CACTIN: variants seen among roughly 807,000 people sequenced by gnomAD.
CACTIN encodes the protein cactin, spliceosome C complex subunit.
CACTIN carries 20 observed loss-of-function variants against 84.9 expected under a neutral mutation model. That is an observed-to-expected ratio of 0.24 (90% CI 0.17 to 0.34). The LOEUF (loss-of-function observed/expected upper bound fraction) is 0.34, where lower values mean the gene tolerates loss of function less well. CACTIN is among the 10% of genes least tolerant of loss of function. CACTIN has a pLI of 1.00. For synonymous variants in CACTIN, 549 were observed against 467.9 expected (o/e 1.17, Z -2.24); for missense variants, 897 against 1,117.2 (o/e 0.80, Z 2.81).
chr19:3,612,073 G>A lies in CACTIN; in HGVS notation c.2127C>T (p.Arg709=), dbSNP rs199844208. The change falls in exon 10 of 10, where the codon CGC becomes CGT. Residue 709 remains arginine, a synonymous_variant. Transcript: ENST00000429344. ...CCTCGTAGGGCGGCCCCGCGTGGAA[G>A]CGCAGGATGGCGAAATCCTTGTTGT... The part of the protein sequence containing the change: ...CADNKDFAIL[R]FHAGPPYEDI... The A allele has an allele frequency of 1.4e-5, 22 of 1,613,894 alleles. No homozygotes were observed. In the African/African-American group the frequency reaches 2.5e-4, roughly 19 times the overall value.
In CACTIN at chr19:3,613,266, G is replaced by A. The variant is rs1235401230; in HGVS notation, c.1578C>T (p.Asp526=). 3 of 1,607,748 alleles carry A rather than the reference G, an allele frequency of 1.9e-6. No individual in the cohort carries two copies. Among genetic ancestry groups the A allele is most frequent in the Admixed American group, 1.7e-5 (1 of 59,868 alleles). ...EVDGATPTEG[D]GDGDGEGEGE... ...CCTCGCCCTCACCGTCCCCGTCGCC[G>A]TCGCCCTCTGTCGGGGTCGCGCCGT... Residue 526 remains aspartate (D), a synonymous_variant, in exon 9 of 10, where the codon GAC becomes GAT. Transcript: ENST00000429344.
chr19:3,610,980 G>A lies in CACTIN; in HGVS notation c.*943C>T, dbSNP rs1407826012. The A allele has an allele frequency of 2.2e-6, 1 of 456,628 alleles. No individual in the cohort carries two copies. The highest frequency in any genetic ancestry group is 2.3e-5 in the Admixed American group (1 of 42,574). The allele number at this position is 456,628 out of a possible 1,614,324, so 28.3% of individuals were successfully genotyped here. Reference sequence around the variant, plus strand: ...CCCTCGGCCCTCCTGGCCTGAGAAAGGGGAGTGAGAAGGAGCCACTGTCCT... The same window carrying A: ...CCCTCGGCCCTCCTGGCCTGAGAAAAGGGAGTGAGAAGGAGCCACTGTCCT... On this transcript the variant is annotated 3_prime_UTR_variant, in exon 10 of 10. Transcript: ENST00000429344.
In CACTIN at chr19:3,611,922, G is replaced by A. The variant is rs74321041; in HGVS notation, c.*1C>T. The A allele has an allele frequency of 3.3e-3, 5,274 of 1,612,408 alleles. 157 individuals are homozygous for A. In the African/African-American group the frequency reaches 0.06, roughly 18 times the overall value. On this transcript the variant is annotated 3_prime_UTR_variant, in exon 10 of 10. Coordinates refer to ENST00000429344, the MANE Select transcript of CACTIN (RefSeq NM_001080543.2). ...CACCTGCCTGCCGTTCCCCAGGGCC[G>A]TCACCGCCGATAGCGGTAGCGCTTG...
Position 3,611,694 on chromosome 19 carries a change from C to G in CACTIN, c.*229G>C, listed in dbSNP as rs990577343. The G allele has an allele frequency of 1.6e-6, 1 of 618,582 alleles. No homozygotes were observed. The highest frequency in any genetic ancestry group is 2.8e-6 in the Non-Finnish European group (1 of 351,524). The allele number at this position is 618,582 out of a possible 1,614,324, so 38.3% of individuals were successfully genotyped here. A position where few individuals can be genotyped will look rare whatever the true frequency, so the allele number is the denominator to read the frequency against. ...AGCGCCCCCTCCGTTGCATCAGGAC[C>G]CTAGGCCAGCCTGTCCCAGTGTCTC... On this transcript the variant is annotated 3_prime_UTR_variant, in exon 10 of 10. Transcript: ENST00000429344.
intron 9 of CACTIN, chr19:3,612,658 T>TTGG: frequency 1.4e-6 from 1 of 718,002 alleles, no homozygotes; most frequent in Non-Finnish European, 2.5e-6. Flanking sequence ...CGCAGCGCGC[T>TTGG]TCCCCGCCGA....
chr19:3,625,897 A>C (rs1212687339), intron 1 of CACTIN, among the ~76,000 whole-genome samples: 1 of 152,152 alleles, frequency 6.6e-6, no homozygotes, highest in African/African-American at 2.4e-5. Context: ...GGCTCAAGGC[A>C]AATCCGACCA....
At position 3,626,705 on chromosome 19, in the gene CACTIN, G is replaced by C; in HGVS notation, c.58C>G (p.Gln20Glu). 6.7e-7 allele frequency: 1 copy of C among 1,502,774 alleles called. No individual in the cohort carries two copies. Among genetic ancestry groups the C allele is most frequent in the Non-Finnish European group, 8.8e-7 (1 of 1,132,726 alleles). 93.1% of individuals were successfully genotyped at this position (1,502,774 alleles called of 1,614,324 possible). The change falls in exon 1 of 10, where the codon CAG becomes GAG. Residue 20 changes from glutamine to glutamate, a missense_variant. Physicochemically the swap from Gln to Glu is conservative, Grantham distance 29. This residue lies in a region of CACTIN where 261 missense variants were observed against 243.8 expected (regional missense o/e 1.07). Coordinates refer to ENST00000429344, the MANE Select transcript of CACTIN (RefSeq NM_001080543.2). The part of the protein sequence containing the change: ...RSAGRRGRRR[Q>E]SQSGSRSRSR... ...CGACTTCGGCTCCCGCTCTGACTCT[G>C]CCGCCTTCGGCCCCGGCGACCCGCG... is the stretch of plus-strand genomic sequence containing the variant.
rs1377204761 is a variant in CACTIN at position 3,623,888 on chromosome 19, C to CCCGCAG, written c.436_441dup (p.Leu146_Arg147dup). The CCCGCAG allele has an allele frequency of 5.0e-6, 8 of 1,607,166 alleles. No homozygotes were observed. The highest frequency in any genetic ancestry group is 2.2e-5 in the East Asian group (1 of 44,894). On this transcript the variant is annotated inframe_insertion, in exon 2 of 10. Transcript: ENST00000429344. Reference sequence around the variant, plus strand: ...AGCTCCTCCTGCTGCTTCCGCTCCTCCCGCAGCCGCAGCCGCTCCTGCAGG... The same window carrying CCCGCAG: ...AGCTCCTCCTGCTGCTTCCGCTCCTCCCGCAGCCGCAGCCGCAGCCGCTCCTGCAGG...
At chr19:3,612,444 C>CGGCCTCCCCCTGGGTCCT in intron 9 of CACTIN, 31 bp from the exon 10 acceptor site, 1 of 1,546,502 alleles carries the variant, frequency 6.5e-7, no homozygotes, top group South Asian at 1.2e-5. Context: ...ACCCGGGCCT[C>CGGCCTCCCCCTGGGTCCT]GGCCTCCCCC....
Position 3,623,901 on chromosome 19 carries a change from C to T in CACTIN, c.429G>A (p.Arg143=), listed in dbSNP as rs776533930. ...GCTTCCGCTCCTCCCGCAGCCGCAGCCGCTCCTGCAGGCTCTGCTGCTGGC... is the reference window on the plus strand; with the variant it reads ...GCTTCCGCTCCTCCCGCAGCCGCAGTCGCTCCTGCAGGCTCTGCTGCTGGC... The part of the protein sequence containing the change: ...ALSQQQSLQE[R]LRLREERKQQ... Residue 143 remains arginine, a synonymous_variant, in exon 2 of 10, where the codon CGG becomes CGA. Transcript: ENST00000429344. 20 of 1,606,742 alleles carry T rather than the reference C, an allele frequency of 1.2e-5. No individual in the cohort carries two copies. The Admixed American group carries it at 2.3e-4, about 19-fold the overall frequency.
rs2033290633 is a variant in CACTIN, at chr19:3,624,308, C to G, written c.168-146G>C. ...CCAAATACCGATGGCTTCTGCCTTC[C>G]TGGGCTCACCCTCTGGTGGGCCCCA... On this transcript the variant is annotated intron_variant, in intron 1 of 9. Coordinates refer to ENST00000429344, the MANE Select transcript of CACTIN (RefSeq NM_001080543.2). 19 of 714,472 alleles carry G rather than the reference C, an allele frequency of 2.7e-5. No homozygotes were observed. The South Asian group carries it at 3.7e-4, about 14-fold the overall frequency. The allele number at this position is 714,472 out of a possible 1,614,324, so 44.3% of individuals were successfully genotyped here.
intron 4 of CACTIN, among the ~76,000 whole-genome samples, chr19:3,619,680 G>A (rs760273020): frequency 2.0e-5 from 3 of 152,166 alleles, no homozygotes; most frequent in African/African-American, 2.4e-5. Flanking sequence ...TGGGCCTGCA[G>A]GGGGGTACGC....
chr19:3,611,282 T>A lies in CACTIN; in HGVS notation c.*641A>T. ...CAGCACGGGGTGAGTTGGGGGCCAG[T>A]CCCTGCAGAGTGTGGGTGTCCACAG... On this transcript the variant is annotated 3_prime_UTR_variant, in exon 10 of 10. Coordinates refer to ENST00000429344, the MANE Select transcript of CACTIN (RefSeq NM_001080543.2). 2.2e-6 allele frequency: 1 copy of A among 454,646 alleles called. No homozygotes were observed. The allele number at this position is 454,646 out of a possible 1,614,324, so 28.2% of individuals were successfully genotyped here. A position where few individuals can be genotyped will look rare whatever the true frequency, so the allele number is the denominator to read the frequency against.
In CACTIN at chr19:3,611,425, C is replaced by T; in HGVS notation, c.*498G>A. 1 of 414,886 alleles carries T rather than the reference C, an allele frequency of 2.4e-6. No homozygotes were observed. The highest frequency in any genetic ancestry group is 1.7e-5 in the South Asian group (1 of 58,216). The allele number at this position is 414,886 out of a possible 1,614,324, so 25.7% of individuals were successfully genotyped here. A position where few individuals can be genotyped will look rare whatever the true frequency, so the allele number is the denominator to read the frequency against. On this transcript the variant is annotated 3_prime_UTR_variant, in exon 10 of 10. Coordinates refer to ENST00000429344, the MANE Select transcript of CACTIN (RefSeq NM_001080543.2). The stretch of plus-strand genomic sequence containing the variant: ...AGCTGCCCCACAGCCGCGGGCTCTG[C>T]CTCACGCCCAGTGGGTGCCCCGTGA...
intron 1 of CACTIN, among the ~76,000 whole-genome samples, chr19:3,624,409 G>A (rs926236845): frequency 2.6e-5 from 4 of 152,240 alleles, no homozygotes; most frequent in Non-Finnish European, 4.4e-5. Flanking sequence ...TAGCAATGCC[G>A]AGCACAGGGG....
At chr19:3,612,947 A>T (rs930329457) in intron 9 of CACTIN, 111 bp downstream of exon 9, 4 of 1,292,298 alleles carry the variant, frequency 3.1e-6, no homozygotes, top group Non-Finnish European at 4.3e-6. Context: ...GAGAAGCAGC[A>T]AGCAGCTCCC....
Position 3,611,841 on chromosome 19 carries a change from G to A in CACTIN, c.*82C>T, listed in dbSNP as rs1315950438. 12 of 1,537,480 alleles carry A rather than the reference G, an allele frequency of 7.8e-6. No homozygotes were observed. The highest frequency in any genetic ancestry group is 2.7e-5 in the African/African-American group (2 of 73,304). On this transcript the variant is annotated 3_prime_UTR_variant, in exon 10 of 10. Coordinates refer to ENST00000429344, the MANE Select transcript of CACTIN (RefSeq NM_001080543.2). ...AACCCGCGGCCCTGCAGCCCAGACA[G>A]CGGCCCCGGAGTGACCACCAGCTTC...
In CACTIN at chr19:3,611,752, C is replaced by T. The variant is rs774172540; in HGVS notation, c.*171G>A. On this transcript the variant is annotated 3_prime_UTR_variant, in exon 10 of 10. Coordinates refer to ENST00000429344, the MANE Select transcript of CACTIN (RefSeq NM_001080543.2). The stretch of plus-strand genomic sequence containing the variant: ...CACCATGGCAGGCTCAATGGTGACC[C>T]CCCTTTTATATAGGAGGAAACTGAG... 1 of 861,308 alleles carries T rather than the reference C, an allele frequency of 1.2e-6. No individual in the cohort carries two copies. The highest frequency in any genetic ancestry group is 1.5e-5 in the South Asian group (1 of 68,744). The allele number at this position is 861,308 out of a possible 1,614,324, so 53.4% of individuals were successfully genotyped here.
intron 2 of CACTIN, among the ~76,000 whole-genome samples, chr19:3,621,955 A>G (rs1291960733): frequency 6.6e-6 from 1 of 152,176 alleles, no homozygotes; most frequent in Non-Finnish European, 1.5e-5. Context: ...CAGTCGGCCC[A>G]GCCCACACGT....
Sources: gnomAD v4.1 joint callset for allele counts (sites outside exome capture counted in the v4.1 genomes callset) on GRCh38, gnomAD v4.1.1 for gene constraint, gnomAD v4.1.1 regional missense constraint, MANE v1.5 for transcripts, NCBI Gene and HGNC (gene_info 2026-07-23, HGNC 2026-07-21) for gene names.